The following GRIA4 variants were observed in gnomAD, a reference collection of about 807,000 sequenced individuals.
GRIA4 encodes glutamate ionotropic receptor AMPA type subunit 4.
In GRIA4, 34 loss-of-function variants were observed where a neutral mutation model predicts 104.0. The ratio of observed to expected loss-of-function variants is 0.33; its 90% confidence interval spans 0.25 to 0.44. The LOEUF (loss-of-function observed/expected upper bound fraction) is 0.44. Among genes scored for constraint, GRIA4 ranks in the 20% least tolerant of loss-of-function variants. The pLI, the probability that GRIA4 is intolerant of heterozygous loss-of-function variation, is 1.00. For synonymous variants in GRIA4, 386 were observed against 381.9 expected (o/e 1.01, Z -0.13); for missense variants, 750 against 1,096.5 (o/e 0.68, Z 4.46).
chr11:105,661,509 T>C (rs1048959921), intron 3 of GRIA4, among the ~76,000 whole-genome samples: 2 of 151,604 alleles, frequency 1.3e-5, no homozygotes, highest in Non-Finnish European at 3.0e-5. Flanking sequence ...GAAGATGGGC[T>C]GGATATTAGA....
At position 105,946,229 on chromosome 11, in the gene GRIA4, T is replaced by C. The variant is rs189130262; in HGVS notation, c.2294+12260T>C. Among the ~76,000 whole-genome samples the C allele has an allele frequency of 1.2e-3, 185 of 152,318 alleles. 1 individual carries two copies. The highest frequency in any genetic ancestry group is 2.0e-3 in the Admixed American group (31 of 15,300). Reference sequence around the variant, plus strand: ...ATAGAAATCATTAGTATTTCCTGACTTTGGTATTCTCTTTCAAATTGGTCT... The same window carrying C: ...ATAGAAATCATTAGTATTTCCTGACCTTGGTATTCTCTTTCAAATTGGTCT... On this transcript the variant is annotated intron_variant, in intron 14 of 16. Coordinates refer to ENST00000282499, the MANE Select transcript of GRIA4 (RefSeq NM_000829.4).
At position 105,647,278 on chromosome 11, in the gene GRIA4, A is replaced by G. The variant is rs140214808; in HGVS notation, c.247+34844A>G. Among the ~76,000 whole-genome samples the G allele has an allele frequency of 6.5e-3, 996 of 152,314 alleles. 9 individuals carry two copies. The highest frequency in any genetic ancestry group is 9.3e-3 in the Non-Finnish European group (631 of 68,034). ...CATACCAGTCAGAATGGCTATTACT[A>G]AAAAGTCAAAAAATAACATGCTGGC... On this transcript the variant is annotated intron_variant, in intron 3 of 16. Transcript: ENST00000282499.
chr11:105,974,575 C>T (rs374809688), intron 16 of GRIA4, 131 bp downstream of exon 16: 3 of 1,607,354 alleles, frequency 1.9e-6, no homozygotes, highest in South Asian at 2.2e-5. Context: ...TTAGGCCCGA[C>T]TACAGTGAGT....
At chr11:105,871,267 T>A (rs995729040) in intron 5 of GRIA4, among the ~76,000 whole-genome samples, 1 of 152,034 alleles carries the variant, frequency 6.6e-6, no homozygotes. Flanking sequence ...CCAAGTAGGG[T>A]TTTTAGAAAA....
At chr11:105,675,229 G>A (rs189404692) in intron 3 of GRIA4, among the ~76,000 whole-genome samples, 77 of 151,634 alleles carry the variant, frequency 5.1e-4, no homozygotes, top group Admixed American at 1.2e-3. Flanking sequence ...CCCTCGTGCT[G>A]GTACTATCTT....
chr11:105,851,828 A>T (rs914155651), intron 4 of GRIA4, among the ~76,000 whole-genome samples: 13 of 152,074 alleles, frequency 8.5e-5, no homozygotes, highest in Non-Finnish European at 5.9e-5. Flanking sequence ...ATTTTCCTTC[A>T]TAGTACTTAC....
At position 105,850,518 on chromosome 11, in the gene GRIA4, C is replaced by T. The variant is rs191636710; in HGVS notation, c.488-11506C>T. Among the ~76,000 whole-genome samples the T allele has an allele frequency of 1.6e-3, 238 of 152,264 alleles. 1 individual carries two copies. The highest frequency in any genetic ancestry group is 5.2e-3 in the African/African-American group (217 of 41,548). On this transcript the variant is annotated intron_variant, in intron 4 of 16. Transcript: ENST00000282499. Reference sequence around the variant, plus strand: ...TTTGACTAAAGTCAACCTAATTCTACGGTTTAATGTTTGATGTCCTTACAG... The same window carrying T: ...TTTGACTAAAGTCAACCTAATTCTATGGTTTAATGTTTGATGTCCTTACAG...
chr11:105,636,900 TCA>T (rs1951219264), intron 3 of GRIA4, among the ~76,000 whole-genome samples: 1 of 152,152 alleles, frequency 6.6e-6, no homozygotes, highest in Non-Finnish European at 1.5e-5. Context: ...CCCATTCCCC[TCA>T]GTCTGATGTG....
intron 4 of GRIA4, among the ~76,000 whole-genome samples, chr11:105,812,350 T>C (rs904763182): frequency 2.0e-5 from 3 of 152,206 alleles, no homozygotes; most frequent in African/African-American, 7.2e-5. Flanking sequence ...TTGTTGTGAA[T>C]AGTTGGCAAT....
At position 105,860,956 on chromosome 11, in the gene GRIA4, G is replaced by GAA. The variant is rs55824302; in HGVS notation, c.488-1048_488-1047dup. On this transcript the variant is annotated intron_variant, in intron 4 of 16. Transcript: ENST00000282499. ...CCTGGGCAACAGAGCAAGACTGTCT[G>GAA]AAAAAAAAAAAAAAAAAAAAAGAGA... 2.1e-3 allele frequency among the ~76,000 whole-genome samples: 219 copies of GAA among 105,926 alleles called. 1 individual carries two copies. The highest frequency in any genetic ancestry group is 5.8e-3 in the African/African-American group (164 of 28,042). The allele number at this position is 105,926 out of a possible 152,430, so 69.5% of individuals were successfully genotyped here.
At chr11:105,896,007 T>G (rs895737569) in intron 6 of GRIA4, among the ~76,000 whole-genome samples, 4 of 152,244 alleles carry the variant, frequency 2.6e-5, no homozygotes, top group Non-Finnish European at 5.9e-5. Flanking sequence ...CATACTGTTT[T>G]CCATAGGGGT....
At chr11:105,967,848 G>A (rs369105557) in intron 14 of GRIA4, among the ~76,000 whole-genome samples, 12 of 151,934 alleles carry the variant, frequency 7.9e-5, no homozygotes, top group Non-Finnish European at 1.2e-4. Flanking sequence ...AACTTAAATC[G>A]AAATAAATTA....
At chr11:105,974,482 C>A in intron 16 of GRIA4, 38 bp downstream of exon 16, 1 of 1,613,618 alleles carries the variant, frequency 6.2e-7, no homozygotes, top group Non-Finnish European at 8.5e-7. Context: ...CCAACTTCCT[C>A]GCAGAATACC....
At chr11:105,816,202 T>C (rs1338001415) in intron 4 of GRIA4, among the ~76,000 whole-genome samples, 1 of 152,142 alleles carries the variant, frequency 6.6e-6, no homozygotes, top group Non-Finnish European at 1.5e-5. Flanking sequence ...TCCTGTAAAG[T>C]TGTTTGTATT....
chr11:105,720,240 C>T (rs117488877), intron 3 of GRIA4, among the ~76,000 whole-genome samples: 2,261 of 151,442 alleles, frequency 0.015, 19 homozygotes, highest in Middle Eastern at 0.024. Flanking sequence ...TAAGATGCAA[C>T]TTTGCTGGGC....
chr11:105,782,943 C>G (rs535371282), intron 4 of GRIA4, among the ~76,000 whole-genome samples: 1 of 152,102 alleles, frequency 6.6e-6, no homozygotes, highest in African/African-American at 2.4e-5. Flanking sequence ...AAAATACATA[C>G]GTACATACAT....
chr11:105,625,254 T>C (rs1395712344), intron 3 of GRIA4, among the ~76,000 whole-genome samples: 1 of 152,134 alleles, frequency 6.6e-6, no homozygotes, highest in East Asian at 1.9e-4. Context: ...TTACAGTGTC[T>C]GGAACATTAA....
chr11:105,651,485 A>T (rs1218524289), intron 3 of GRIA4, among the ~76,000 whole-genome samples: 6 of 152,144 alleles, frequency 3.9e-5, no homozygotes, highest in African/African-American at 1.4e-4. Context: ...TTTTTTAGAG[A>T]AAACTTTTCC....
At chr11:105,632,921 A>C (rs1951073821) in intron 3 of GRIA4, among the ~76,000 whole-genome samples, 1 of 152,222 alleles carries the variant, frequency 6.6e-6, no homozygotes, top group Non-Finnish European at 1.5e-5. Context: ...TATACAAAAT[A>C]AAATGCACAT....
Sources: allele counts gnomAD v4.1 joint callset (sites outside exome capture counted in the v4.1 genomes callset), GRCh38; gene constraint gnomAD v4.1.1; transcripts MANE v1.5; gene names NCBI Gene and HGNC (gene_info 2026-07-23, HGNC 2026-07-21).